Variants in GHR observed in about 807,000 individuals in gnomAD.
GHR encodes GH receptor.
A neutral mutation model predicts 67.1 loss-of-function variants in GHR; 35 were observed. The observed-to-expected ratio is 0.52, with a 90% CI of 0.40 to 0.69. GHR has a LOEUF of 0.69. Ranked by LOEUF, GHR falls within the 30% of genes least tolerant of loss-of-function variation. GHR has a pLI of 0.00. For missense variants in GHR, 792 were observed against 764.6 expected (o/e 1.04, Z -0.42); for synonymous variants, 272 against 269.1 (o/e 1.01, Z -0.10).
chr5:42,556,610 A>T (rs1749322805), intron 1 of GHR, among the ~76,000 whole-genome samples: 1 of 152,214 alleles, frequency 6.6e-6, no homozygotes, highest in Non-Finnish European at 1.5e-5. Flanking sequence ...ACAATGGTGT[A>T]AAGTAAGATA....
In GHR at chr5:42,517,460, A is replaced by G. The variant is rs1396691766; in HGVS notation, c.-11-48404A>G. Among the ~76,000 whole-genome samples the G allele has an allele frequency of 2.6e-5, 4 of 152,346 alleles. No individual in the cohort carries two copies. In the East Asian group the frequency reaches 7.7e-4, roughly 29 times the overall value. On this transcript the variant is annotated intron_variant, in intron 1 of 9. Transcript: ENST00000230882. ...TAAATACTGAAGGAATGAGTACAGT[A>G]TGAAAATTAGCATGGCTGATCCTTG...
At chr5:42,562,907 C>T (rs777905276) in intron 1 of GHR, among the ~76,000 whole-genome samples, 1 of 152,120 alleles carries the variant, frequency 6.6e-6, no homozygotes, top group African/African-American at 2.4e-5. Flanking sequence ...CCTCGGCCCC[C>T]CAAAGTGCTG....
intron 3 of GHR, among the ~76,000 whole-genome samples, chr5:42,631,642 G>T (rs965988656): frequency 6.6e-6 from 1 of 152,170 alleles, no homozygotes; most frequent in African/African-American, 2.4e-5. Context: ...TCCCTAAAGA[G>T]ATAATTTCAC....
intron 3 of GHR, among the ~76,000 whole-genome samples, chr5:42,629,344 A>G (rs1345059995): frequency 7.6e-6 from 1 of 131,304 alleles, no homozygotes; most frequent in Non-Finnish European, 1.6e-5. Context: ...GACTGGGAGG[A>G]GATGTTTGGG....
At chr5:42,456,435 G>A (rs1053974214) in intron 1 of GHR, among the ~76,000 whole-genome samples, 1 of 152,182 alleles carries the variant, frequency 6.6e-6, no homozygotes, top group Admixed American at 6.5e-5. Flanking sequence ...ATGGGACTAC[G>A]TCAGAAGTTC....
At chr5:42,583,560 A>G (rs1296583438) in intron 2 of GHR, among the ~76,000 whole-genome samples, 2 of 152,178 alleles carry the variant, frequency 1.3e-5, no homozygotes, top group African/African-American at 4.8e-5. Context: ...CCCCAGCATG[A>G]TGTCTACAGA....
chr5:42,660,808 C>A (rs1432039958), intron 3 of GHR, among the ~76,000 whole-genome samples: 1 of 152,146 alleles, frequency 6.6e-6, no homozygotes, highest in African/African-American at 2.4e-5. Flanking sequence ...TCAAATTACT[C>A]CGAGCTACAG....
In GHR at chr5:42,465,568, G is replaced by A. The variant is rs562456477; in HGVS notation, c.-12+41613G>A. The A allele has an allele frequency of 9.0e-5, 117 of 1,306,410 alleles. 3 individuals are homozygous for A. The South Asian group carries it at 1.3e-3, about 14-fold the overall frequency. 80.9% of individuals were successfully genotyped at this position (1,306,410 alleles called of 1,614,324 possible). On this transcript the variant is annotated intron_variant, in intron 1 of 9. Coordinates refer to ENST00000230882, the MANE Select transcript of GHR (RefSeq NM_000163.5). Reference sequence around the variant, plus strand: ...CCTCAGTCACATTTGATTGATCCAAGTCACTGCAATTATAAGATATTTGTT... The same window carrying A: ...CCTCAGTCACATTTGATTGATCCAAATCACTGCAATTATAAGATATTTGTT...
intron 2 of GHR, among the ~76,000 whole-genome samples, chr5:42,604,804 A>C (rs1423630011): frequency 6.6e-6 from 1 of 151,276 alleles, no homozygotes; most frequent in Non-Finnish European, 1.5e-5. Context: ...TTTTGTTGAA[A>C]TCTCACTTTG....
chr5:42,716,468 A>G (rs55928305), intron 8 of GHR, among the ~76,000 whole-genome samples: 39,417 of 152,064 alleles, frequency 0.26, 5,728 homozygotes, highest in Admixed American at 0.38. Context: ...CTGCCACTGT[A>G]GCACGAAAGT....
At chr5:42,551,230 C>A (rs1350403792) in intron 1 of GHR, among the ~76,000 whole-genome samples, 1 of 152,164 alleles carries the variant, frequency 6.6e-6, no homozygotes, top group Non-Finnish European at 1.5e-5. Context: ...AAGAGCTCAT[C>A]TGTTACACCC....
chr5:42,611,514 G>A (rs1347170790), intron 2 of GHR, among the ~76,000 whole-genome samples: 2 of 152,078 alleles, frequency 1.3e-5, no homozygotes, highest in African/African-American at 4.8e-5. Flanking sequence ...CTTCCCATGG[G>A]CCAAGCCCTG....
intron 1 of GHR, among the ~76,000 whole-genome samples, chr5:42,438,782 G>C (rs1362110789): frequency 6.6e-6 from 1 of 152,060 alleles, no homozygotes. Flanking sequence ...ATGGAGCCTT[G>C]ACACCCAGTG....
intron 2 of GHR, among the ~76,000 whole-genome samples, chr5:42,622,697 G>A (rs1753509777): frequency 6.6e-6 from 1 of 152,030 alleles, no homozygotes; most frequent in South Asian, 2.1e-4. Flanking sequence ...TCTATTCAGG[G>A]GTGTTTCTAA....
intron 2 of GHR, among the ~76,000 whole-genome samples, chr5:42,597,182 T>C (rs759177894): frequency 2.0e-5 from 3 of 152,148 alleles, no homozygotes; most frequent in Non-Finnish European, 2.9e-5. Context: ...ACCAATGTGA[T>C]TGAAAGTAGA....
chr5:42,680,350 A>G (rs1756797190), intron 3 of GHR, among the ~76,000 whole-genome samples: 1 of 152,110 alleles, frequency 6.6e-6, no homozygotes, highest in African/African-American at 2.4e-5. Context: ...CTCTTCTAAA[A>G]CTGACCCTTG....
At chr5:42,474,641 G>A (rs1745215027) in intron 1 of GHR, among the ~76,000 whole-genome samples, 1 of 152,134 alleles carries the variant, frequency 6.6e-6, no homozygotes, top group Admixed American at 6.5e-5. Flanking sequence ...AAAAGGCAGG[G>A]AACTTAAGAG....
chr5:42,618,749 T>A (rs1753294577), intron 2 of GHR, among the ~76,000 whole-genome samples: 1 of 152,118 alleles, frequency 6.6e-6, no homozygotes, highest in African/African-American at 2.4e-5. Context: ...TGAAATATTA[T>A]TTCTACTTTA....
Position 42,453,673 on chromosome 5 carries a change from C to A in GHR, c.-12+29718C>A, listed in dbSNP as rs79311398. The stretch of plus-strand genomic sequence containing the variant: ...AGGAACTGTGACTCTGCCTCTCATG[C>A]AGGCCTGAATCTGGGGTTTGCTCCT... On this transcript the variant is annotated intron_variant, in intron 1 of 9. Coordinates refer to ENST00000230882, the MANE Select transcript of GHR (RefSeq NM_000163.5). 5.8e-3 allele frequency among the ~76,000 whole-genome samples: 886 copies of A among 152,292 alleles called. 8 individuals carry two copies. Among genetic ancestry groups the A allele is most frequent in the African/African-American group, 0.02 (811 of 41,550 alleles).
Sources: allele counts gnomAD v4.1 joint callset (sites outside exome capture counted in the v4.1 genomes callset), GRCh38; gene constraint gnomAD v4.1.1; transcripts MANE v1.5; gene names NCBI Gene and HGNC (gene_info 2026-07-23, HGNC 2026-07-21).